PCDH15: variants seen among roughly 807,000 people sequenced by gnomAD.
The protein encoded by PCDH15 is protocadherin-15.
PCDH15 carries 129 observed loss-of-function variants against 178.5 expected under a neutral mutation model. The ratio of observed to expected loss-of-function variants is 0.72; its 90% CI spans 0.63 to 0.84. The LOEUF (loss-of-function observed/expected upper bound fraction) is 0.84, where lower values mean the gene tolerates loss of function less well. PCDH15 is among the 40% of genes least tolerant of loss of function. The pLI is 0.00. For synonymous variants in PCDH15, 800 were observed against 732.0 expected, an observed-to-expected ratio of 1.09 and a Z score of -1.50; for missense variants, 2,230 against 2,099.9, an observed-to-expected ratio of 1.06 and a Z score of -1.21.
intron 3 of PCDH15, among the ~76,000 whole-genome samples, chr10:54,388,294 G>A (rs374561677): frequency 1.2e-3 from 179 of 152,276 alleles, no homozygotes; most frequent in Non-Finnish European, 1.6e-3. Context: ...GTTGAGTTTC[G>A]TTGTCAAAGC....
At chr10:55,318,222 G>C (rs34424822) in intron 1 of PCDH15, among the ~76,000 whole-genome samples, 1 of 151,274 alleles carries the variant, frequency 6.6e-6, no homozygotes, top group African/African-American at 2.4e-5. Context: ...AAAAACACAC[G>C]AGAGAGAGAG....
At chr10:54,448,310 A>T (rs947126929) in intron 3 of PCDH15, among the ~76,000 whole-genome samples, 5 of 151,728 alleles carry the variant, frequency 3.3e-5, no homozygotes, top group African/African-American at 1.2e-4. Flanking sequence ...GCCCAAAGGA[A>T]GGTAATCAGA....
rs1437499279 is a variant in PCDH15 at position 54,616,425 on chromosome 10, T to C, written c.91+47747A>G. 2.6e-5 allele frequency among the ~76,000 whole-genome samples: 4 copies of C among 152,106 alleles called. No homozygotes were observed. The East Asian group carries it at 5.8e-4, about 22-fold the overall frequency. Reference sequence around the variant, plus strand: ...CTTCTTTGGAGGCCTTAATTTTTCATCTGTTTGGGGTTATTTAAATGAAGC... The same window carrying C: ...CTTCTTTGGAGGCCTTAATTTTTCACCTGTTTGGGGTTATTTAAATGAAGC... On this transcript the variant is annotated intron_variant, in intron 2 of 37. Transcript: ENST00000644397.
intron 2 of PCDH15, among the ~76,000 whole-genome samples, chr10:55,534,983 T>A (rs1841538548): frequency 1.3e-5 from 2 of 151,932 alleles, no homozygotes; most frequent in African/African-American, 2.4e-5. Flanking sequence ...TGTATTCACA[T>A]TTATAAGTGG....
At chr10:54,599,609 T>C in intron 2 of PCDH15, 1 of 313,100 alleles carries the variant, frequency 3.2e-6, no homozygotes, top group Non-Finnish European at 6.0e-6. Context: ...AAAGATTTCA[T>C]GGAAAATATG....
chr10:55,061,367 T>C (rs749387663), intron 2 of PCDH15, among the ~76,000 whole-genome samples: 3 of 152,170 alleles, frequency 2.0e-5, no homozygotes, highest in Non-Finnish European at 4.4e-5. Context: ...GATGCTACTA[T>C]ATACATTTTG....
At chr10:55,441,726 C>CA (rs909319999) in intron 2 of PCDH15, among the ~76,000 whole-genome samples, 1 of 152,046 alleles carries the variant, frequency 6.6e-6, no homozygotes, top group African/African-American at 2.4e-5. Flanking sequence ...AATGGTGGCT[C>CA]AAAAAATATA....
chr10:54,326,920 A>G (rs1027998135), intron 7 of PCDH15, among the ~76,000 whole-genome samples: 2 of 152,156 alleles, frequency 1.3e-5, no homozygotes, highest in African/African-American at 4.8e-5. Context: ...ACTTAAGTTT[A>G]TAACAAAAAC....
Position 54,174,702 on chromosome 10 carries a change from C to CTTTTTTTTTT in PCDH15, c.1590+8732_1590+8741dup, listed in dbSNP as rs1169302544. On this transcript the variant is annotated intron_variant, in intron 13 of 37. Coordinates refer to ENST00000644397, the MANE Select transcript of PCDH15 (RefSeq NM_001384140.1). ...CTTCTTTCTTTTTTCTTTTTCTTTT[C>CTTTTTTTTTT]TTTTTTTTTTTTTTTTTTTTTGAGA... Among the ~76,000 whole-genome samples, 53 of 84,046 alleles carry CTTTTTTTTTT rather than the reference C, an allele frequency of 6.3e-4. 1 individual carries two copies. Among genetic ancestry groups the CTTTTTTTTTT allele is most frequent in the African/African-American group, 1.0e-3 (21 of 20,170 alleles). 55.1% of individuals were successfully genotyped at this position (84,046 alleles called of 152,430 possible). A position where few individuals can be genotyped will look rare whatever the true frequency, so the allele number is the denominator to read the frequency against.
At chr10:55,212,800 C>A (rs1840603280) in intron 1 of PCDH15, among the ~76,000 whole-genome samples, 1 of 152,042 alleles carries the variant, frequency 6.6e-6, no homozygotes, top group Non-Finnish European at 1.5e-5. Context: ...GTCTCTACCA[C>A]AATGTACCAT....
chr10:54,035,843 C>T (rs1176271339), intron 18 of PCDH15, among the ~76,000 whole-genome samples: 1 of 151,866 alleles, frequency 6.6e-6, no homozygotes, highest in South Asian at 2.1e-4. Flanking sequence ...ATTGTGAACG[C>T]AATGGAAAAG....
intron 2 of PCDH15, among the ~76,000 whole-genome samples, chr10:55,622,850 G>A (rs1289912422): frequency 6.6e-6 from 1 of 152,060 alleles, no homozygotes; most frequent in East Asian, 1.9e-4. Flanking sequence ...GCTGGACCGA[G>A]GCATTATGAT....
At chr10:55,336,122 T>A (rs1045335847) in intron 2 of PCDH15, among the ~76,000 whole-genome samples, 7 of 113,550 alleles carry the variant, frequency 6.2e-5, no homozygotes, top group Non-Finnish European at 1.2e-4. Flanking sequence ...ACCTTGGTAT[T>A]TGAAAAAAAA....
rs373550632 is a variant in PCDH15 at position 55,424,667 on chromosome 10, T to C, written c.-156+202958A>G. 7.2e-5 allele frequency among the ~76,000 whole-genome samples: 11 copies of C among 152,210 alleles called. No homozygotes were observed. In the East Asian group the frequency reaches 1.4e-3, roughly 19 times the overall value. ...CCTGTGGGTTGTACTAGTATTTATG[T>C]TGGGAACTGCTTTGGTGTATAGGAA... On this transcript the variant is annotated intron_variant, in intron 2 of 5. Transcript: ENST00000613346.
intron 2 of PCDH15, among the ~76,000 whole-genome samples, chr10:55,151,069 TAC>T (rs1222920541): frequency 6.6e-6 from 1 of 152,110 alleles, no homozygotes; most frequent in Non-Finnish European, 1.5e-5. Flanking sequence ...TCAACAATGA[TAC>T]AGATTCCATT....
Position 54,164,939 on chromosome 10 carries a change from T to C in PCDH15, c.1591-11646A>G, listed in dbSNP as rs534539515. On this transcript the variant is annotated intron_variant, in intron 13 of 37. Transcript: ENST00000644397. Reference sequence around the variant, plus strand: ...GTAAGGTCTACTGGGTCTCTCCAGGTTGGCATTCAGTCTGAACCTAAGGCT... The same window carrying C: ...GTAAGGTCTACTGGGTCTCTCCAGGCTGGCATTCAGTCTGAACCTAAGGCT... Among the ~76,000 whole-genome samples, 11 of 152,292 alleles carry C rather than the reference T, an allele frequency of 7.2e-5. No individual in the cohort carries two copies. The South Asian group carries it at 8.3e-4, about 11-fold the overall frequency.
At chr10:54,786,945 T>C (rs935526013) in intron 1 of PCDH15, among the ~76,000 whole-genome samples, 1 of 151,796 alleles carries the variant, frequency 6.6e-6, no homozygotes, top group Non-Finnish European at 1.5e-5. Context: ...GTTAACTATG[T>C]AAAGATATTA....
intron 2 of PCDH15, among the ~76,000 whole-genome samples, chr10:54,576,618 AT>A (rs2090503823): frequency 6.6e-6 from 1 of 152,280 alleles, no homozygotes; most frequent in East Asian, 1.9e-4. Context: ...TTCTCCTGCG[AT>A]TTTTTTAAAT....
chr10:55,295,387 A>T (rs1843106914), intron 1 of PCDH15, among the ~76,000 whole-genome samples: 1 of 152,230 alleles, frequency 6.6e-6, no homozygotes. Context: ...CCATGCACAG[A>T]AAGTCAGGCT....
Sources: gnomAD v4.1 joint callset for allele counts (sites outside exome capture counted in the v4.1 genomes callset) on GRCh38, gnomAD v4.1.1 for gene constraint, MANE v1.5 for transcripts, NCBI Gene and HGNC (gene_info 2026-07-23, HGNC 2026-07-21) for gene names.